The following SPIDR variants were observed in gnomAD, a reference collection of about 807,000 sequenced individuals.
The protein encoded by SPIDR is scaffold protein involved in DNA repair.
A neutral mutation model predicts 104.6 loss-of-function variants in SPIDR; 93 were observed. The ratio of observed to expected loss-of-function variants is 0.89; its 90% confidence interval spans 0.75 to 1.06. SPIDR has a LOEUF of 1.06. Among genes scored for constraint, SPIDR ranks in the 50% least tolerant of loss-of-function variants. The pLI is 0.00. For missense variants in SPIDR, 1,154 were observed against 1,111.2 expected (o/e 1.04, Z -0.55); for synonymous variants, 431 against 416.9 (o/e 1.03, Z -0.41).
At chr8:47,320,819 T>G (rs915177100) in intron 5 of SPIDR, among the ~76,000 whole-genome samples, 3 of 152,086 alleles carry the variant, frequency 2.0e-5, no homozygotes, top group African/African-American at 7.2e-5. Flanking sequence ...ACATAATCCA[T>G]CATATAAACA....
intron 8 of SPIDR, among the ~76,000 whole-genome samples, chr8:47,514,269 G>A (rs1219933854): frequency 6.6e-6 from 1 of 152,090 alleles, no homozygotes; most frequent in Non-Finnish European, 1.5e-5. Context: ...GCTAGATTGG[G>A]TTTGGTACAG....
At chr8:47,646,224 C>T (rs1159758723) in intron 10 of SPIDR, among the ~76,000 whole-genome samples, 2 of 152,108 alleles carry the variant, frequency 1.3e-5, no homozygotes, top group Non-Finnish European at 2.9e-5. Context: ...ATTATTTTTC[C>T]CCTACCAATT....
intron 8 of SPIDR, among the ~76,000 whole-genome samples, chr8:47,441,388 A>C (rs905709909): frequency 2.0e-5 from 3 of 152,126 alleles, no homozygotes; most frequent in Non-Finnish European, 4.4e-5. Context: ...AAATGGGCTT[A>C]GGCATTTTTC....
At chr8:47,296,635 G>T (rs1161241396) in intron 5 of SPIDR, among the ~76,000 whole-genome samples, 3 of 152,128 alleles carry the variant, frequency 2.0e-5, no homozygotes, top group Admixed American at 6.5e-5. Flanking sequence ...CGGTTTTTAT[G>T]CTGTGCTGTT....
intron 7 of SPIDR, among the ~76,000 whole-genome samples, chr8:47,415,122 C>G (rs1249296105): frequency 6.6e-6 from 1 of 152,162 alleles, no homozygotes; most frequent in East Asian, 1.9e-4. Context: ...CCAGGATGGT[C>G]TTGATCTCCT....
intron 5 of SPIDR, among the ~76,000 whole-genome samples, chr8:47,327,232 A>T (rs2047811231): frequency 6.6e-6 from 1 of 152,150 alleles, no homozygotes; most frequent in East Asian, 1.9e-4. Context: ...GTGGTTGGTG[A>T]TCTGAATATC....
intron 16 of SPIDR, among the ~76,000 whole-genome samples, chr8:47,717,280 C>A (rs1262481414): frequency 6.6e-6 from 1 of 152,204 alleles, no homozygotes; most frequent in Admixed American, 6.5e-5. Flanking sequence ...TCTCCCACCC[C>A]CTCAGCTCTC....
At chr8:47,682,111 G>A (rs1285730407) in intron 11 of SPIDR, among the ~76,000 whole-genome samples, 1 of 151,920 alleles carries the variant, frequency 6.6e-6, no homozygotes, top group African/African-American at 2.4e-5. Flanking sequence ...TGCAAACAGA[G>A]AGAACTGGAA....
intron 5 of SPIDR, among the ~76,000 whole-genome samples, chr8:47,350,216 C>T (rs1238079117): frequency 1.3e-5 from 2 of 152,134 alleles, no homozygotes; most frequent in Non-Finnish European, 2.9e-5. Context: ...TTTGCAGATT[C>T]CCAAGAAAAT....
At chr8:47,539,198 A>AT (rs1415791074) in intron 8 of SPIDR, among the ~76,000 whole-genome samples, 2 of 152,112 alleles carry the variant, frequency 1.3e-5, no homozygotes, top group African/African-American at 4.8e-5. Flanking sequence ...GAGAGATGTG[A>AT]TAGATAAAGA....
chr8:47,293,157 G>T (rs964146439), intron 4 of SPIDR, among the ~76,000 whole-genome samples: 48 of 151,886 alleles, frequency 3.2e-4, no homozygotes, highest in East Asian at 1.9e-4. Context: ...AAGAGATGAG[G>T]TCATGCTCTG....
intron 10 of SPIDR, among the ~76,000 whole-genome samples, chr8:47,641,563 G>T (rs1282681026): frequency 6.6e-6 from 1 of 152,196 alleles, no homozygotes; most frequent in East Asian, 1.9e-4. Context: ...AGTAGTAAGT[G>T]CTTAAAGTAA....
chr8:47,613,132 A>C (rs578010931), intron 10 of SPIDR, among the ~76,000 whole-genome samples: 2 of 152,210 alleles, frequency 1.3e-5, no homozygotes, highest in Non-Finnish European at 2.9e-5. Context: ...AATCCTGTAC[A>C]TATTAAGCAG....
chr8:47,500,726 G>C (rs1158591368), intron 8 of SPIDR, among the ~76,000 whole-genome samples: 2 of 152,190 alleles, frequency 1.3e-5, no homozygotes, highest in South Asian at 2.1e-4. Flanking sequence ...CCATGCCTAT[G>C]TCCTGAATGG....
At chr8:47,531,690 G>A (rs1203833251) in intron 8 of SPIDR, among the ~76,000 whole-genome samples, 1 of 152,068 alleles carries the variant, frequency 6.6e-6, no homozygotes, top group South Asian at 2.1e-4. Context: ...CTCTTCTTCC[G>A]GTATGCATTT....
chr8:47,622,080 G>T (rs2065244569), intron 10 of SPIDR, among the ~76,000 whole-genome samples: 2 of 152,122 alleles, frequency 1.3e-5, no homozygotes, highest in Admixed American at 1.3e-4. Flanking sequence ...TGTCTTAGTG[G>T]CAGGCAGGAA....
At chr8:47,410,299 A>T (rs780407338) in intron 7 of SPIDR, among the ~76,000 whole-genome samples, 1 of 151,036 alleles carries the variant, frequency 6.6e-6, no homozygotes, top group East Asian at 1.9e-4. Context: ...CTCCTCCTCA[A>T]CCCCCGGAGT....
At chr8:47,339,103 C>T (rs1161641674) in intron 5 of SPIDR, among the ~76,000 whole-genome samples, 1 of 152,180 alleles carries the variant, frequency 6.6e-6, no homozygotes, top group Non-Finnish European at 1.5e-5. Context: ...AAATATTTAA[C>T]ATTTCCGTTT....
intron 5 of SPIDR, among the ~76,000 whole-genome samples, chr8:47,328,126 C>T (rs1192455341): frequency 6.6e-6 from 1 of 151,076 alleles, no homozygotes; most frequent in African/African-American, 2.4e-5. Context: ...GGTGTCATAT[C>T]TAAGAAACAA....
Sources: gnomAD v4.1 joint callset for allele counts (sites outside exome capture counted in the v4.1 genomes callset) on GRCh38, gnomAD v4.1.1 for gene constraint, MANE v1.5 for transcripts, NCBI Gene and HGNC (gene_info 2026-07-23, HGNC 2026-07-21) for gene names.